INA: variants seen among roughly 807,000 people sequenced by gnomAD.
The protein encoded by INA is alpha-internexin.
In INA, 35 loss-of-function variants were observed where a neutral mutation model predicts 40.1. The ratio of observed to expected loss-of-function variants is 0.87; its 90% CI spans 0.67 to 1.16. The LOEUF is 1.16. Among genes scored for constraint, INA ranks in the 50% most tolerant of loss-of-function variants. INA has a pLI of 0.00. For synonymous variants in INA, 290 were observed against 316.9 expected (o/e 0.92, Z 0.90); for missense variants, 594 against 686.7 (o/e 0.87, Z 1.51).
intron 1 of INA, chr10:103,280,907 A>C: frequency 1.0e-6 from 1 of 985,442 alleles, no homozygotes; most frequent in Non-Finnish European, 1.2e-6. Context: ...AGATGTCCAA[A>C]GACATTCTTG....
Position 103,278,366 on chromosome 10 carries a change from A to AG in INA, c.1065+94dup, listed in dbSNP as rs1407177749. On this transcript the variant is annotated intron_variant, in intron 1 of 2. Transcript: ENST00000369849. The surrounding 1 kb of genome is among the most constrained non-coding windows in gnomAD (Gnocchi z 4.9). ...TGGTAAAACTGGGCCCCAGGACTTA[A>AG]GGGGAGGGCAAAAGAGAGGAGAGAA... 1 of 1,092,514 alleles carries AG rather than the reference A, an allele frequency of 9.2e-7. No individual in the cohort carries two copies. The allele number at this position is 1,092,514 out of a possible 1,614,324, so 67.7% of individuals were successfully genotyped here. A position where few individuals can be genotyped will look rare whatever the true frequency, so the allele number is the denominator to read the frequency against.
rs1361595671 is a variant in INA, at chr10:103,277,203, C to T, written c.-9C>T. ...TTGAAGCCGCACGTCCGGCCCCGATCCCGGCACCATGAGCTTCGGCTCGGA... is the reference window on the plus strand; with the variant it reads ...TTGAAGCCGCACGTCCGGCCCCGATTCCGGCACCATGAGCTTCGGCTCGGA... On this transcript the variant is annotated 5_prime_UTR_variant, in exon 1 of 3. Coordinates refer to ENST00000369849, the MANE Select transcript of INA (RefSeq NM_032727.4). This position sits in a 1 kb window ranked among gnomAD's most constrained non-coding sequence, Gnocchi z 5.6. 1.3e-6 allele frequency: 2 copies of T among 1,571,918 alleles called. No individual in the cohort carries two copies. Among genetic ancestry groups the T allele is most frequent in the Non-Finnish European group, 1.7e-6 (2 of 1,163,328 alleles).
intron 1 of INA, among the ~76,000 whole-genome samples, chr10:103,283,859 T>G (rs937966858): frequency 4.0e-5 from 6 of 150,996 alleles, no homozygotes; most frequent in African/African-American, 1.5e-4. Flanking sequence ...CAAGTGATTC[T>G]CCTACCTCAG....
At chr10:103,279,831 T>G in intron 1 of INA, 1 of 675,318 alleles carries the variant, frequency 1.5e-6, no homozygotes, top group South Asian at 1.6e-5. Flanking sequence ...AATAAGTACT[T>G]CCATTTCTGC....
intron 1 of INA, among the ~76,000 whole-genome samples, chr10:103,279,627 G>C (rs561406092): frequency 2.0e-5 from 3 of 152,228 alleles, no homozygotes; most frequent in African/African-American, 7.2e-5. Context: ...CATTTGGTGA[G>C]ATTAATAGGG....
Position 103,287,074 on chromosome 10 carries a change from A to G in INA, c.1105A>G (p.Lys369Glu). ...GCTGGAGAATGATCTGAGGAACACCAAGAGTGAGATGGCACGCCACCTTCG... is the reference window on the plus strand; with the variant it reads ...GCTGGAGAATGATCTGAGGAACACCGAGAGTGAGATGGCACGCCACCTTCG... ...GQLENDLRNT[K>E]SEMARHLREY... Residue 369 changes from lysine (K) to glutamate (E), a missense_variant, in exon 2 of 3, where the codon AAG becomes GAG. Coordinates refer to ENST00000369849, the MANE Select transcript of INA (RefSeq NM_032727.4). 1 of 1,614,042 alleles carries G rather than the reference A, an allele frequency of 6.2e-7. No homozygotes were observed. The highest frequency in any genetic ancestry group is 1.1e-5 in the South Asian group (1 of 91,048).
Position 103,289,825 on chromosome 10 carries a change from G to A in INA, c.*1156G>A, listed in dbSNP as rs74154318. 2.4e-4 allele frequency: 37 copies of A among 152,336 alleles called. No homozygotes were observed. Among genetic ancestry groups the A allele is most frequent in the African/African-American group, 8.4e-4 (35 of 41,556 alleles). 9.4% of individuals were successfully genotyped at this position (152,336 alleles called of 1,614,324 possible). On this transcript the variant is annotated 3_prime_UTR_variant, in exon 3 of 3. Coordinates refer to ENST00000369849, the MANE Select transcript of INA (RefSeq NM_032727.4). ...ACAATGCTACCGCCCCAAAGTAAAA[G>A]AAACCACTTCTGGTCAATCAACACT... is the stretch of plus-strand genomic sequence containing the variant.
At chr10:103,279,301 T>TGAAA (rs1253364908) in intron 1 of INA, among the ~76,000 whole-genome samples, 20 of 152,328 alleles carry the variant, frequency 1.3e-4, no homozygotes, top group Middle Eastern at 3.4e-3. Flanking sequence ...TGTAAGTGCA[T>TGAAA]GTGATAAGTC....
chr10:103,283,747 T>G (rs1489598167), intron 1 of INA, among the ~76,000 whole-genome samples: 1 of 128,888 alleles, frequency 7.8e-6, no homozygotes, highest in Non-Finnish European at 1.7e-5. Flanking sequence ...CATCACTGTT[T>G]CTTTTTTTTT....
rs746490997 is a variant in INA, at chr10:103,277,368, G to A, written c.157G>A (p.Ala53Thr). Reference sequence around the variant, plus strand: ...CCGCAGCAATGTGGCCTCCTCGGCCGCCTGCTCCTCGGCCTCGTCGCTCGG... The same window carrying A: ...CCGCAGCAATGTGGCCTCCTCGGCCACCTGCTCCTCGGCCTCGTCGCTCGG... Reference protein sequence around the residue: ...LSRSNVASSAACSSASSLGLG... With the variant: ...LSRSNVASSATCSSASSLGLG... The change falls in exon 1 of 3, where the codon GCC becomes ACC. Residue 53 changes from alanine (A) to threonine (T), a missense_variant. Coordinates refer to ENST00000369849, the MANE Select transcript of INA (RefSeq NM_032727.4). This position sits in a 1 kb window ranked among gnomAD's most constrained non-coding sequence, Gnocchi z 5.6. The A allele has an allele frequency of 1.3e-6, 2 of 1,566,542 alleles. No individual in the cohort carries two copies. The highest frequency in any genetic ancestry group is 3.6e-5 in the Admixed American group (2 of 55,330).
intron 1 of INA, chr10:103,279,793 G>A (rs2093068892): frequency 7.3e-6 from 3 of 408,950 alleles, no homozygotes; most frequent in Admixed American, 4.0e-5. Context: ...GGACTGTTTA[G>A]GTTAGTTTGG....
chr10:103,285,971 T>C (rs17115592), intron 1 of INA, among the ~76,000 whole-genome samples: 2,487 of 151,192 alleles, frequency 0.016, 46 homozygotes, highest in South Asian at 0.075. Context: ...GCATTTTAGA[T>C]AGAGGAAATA....
chr10:103,277,957 C>T lies in INA; in HGVS notation c.746C>T (p.Ala249Val), dbSNP rs2093064065. The part of the protein sequence containing the change: ...LATLQASSQA[A>V]AEVDVTVAKP... ...ACGCTGCAGGCGTCGTCGCAGGCCG[C>T]GGCCGAGGTGGACGTGACTGTGGCT... The change falls in exon 1 of 3, where the codon GCG becomes GTG. Residue 249 changes from alanine (A) to valine (V), a missense_variant. Physicochemically the swap from Ala to Val is moderately conservative, Grantham distance 64. Transcript: ENST00000369849. This position sits in a 1 kb window ranked among gnomAD's most constrained non-coding sequence, Gnocchi z 5.6. 2 of 1,563,406 alleles carry T rather than the reference C, an allele frequency of 1.3e-6. No individual in the cohort carries two copies. Among genetic ancestry groups the T allele is most frequent in the African/African-American group, 2.7e-5 (2 of 73,540 alleles).
In INA at chr10:103,278,391, A is replaced by G; in HGVS notation, c.1065+115A>G. The G allele has an allele frequency of 1.2e-6, 1 of 858,652 alleles. No individual in the cohort carries two copies. The highest frequency in any genetic ancestry group is 1.9e-5 in the South Asian group (1 of 51,568). 53.2% of individuals were successfully genotyped at this position (858,652 alleles called of 1,614,324 possible). The stretch of plus-strand genomic sequence containing the variant: ...AGGGGAGGGCAAAAGAGAGGAGAGA[A>G]GAGCCGCGGCTGGAGGCGCTGGTTA... On this transcript the variant is annotated intron_variant, in intron 1 of 2. Transcript: ENST00000369849. This position sits in a 1 kb window ranked among gnomAD's most constrained non-coding sequence, Gnocchi z 4.9.
chr10:103,278,684 G>C lies in INA; in HGVS notation c.1065+408G>C, dbSNP rs1008619066. 1.3e-4 allele frequency among the ~76,000 whole-genome samples: 20 copies of C among 152,244 alleles called. No individual in the cohort carries two copies. The highest frequency in any genetic ancestry group is 1.2e-3 in the Admixed American group (18 of 15,280). ...TTTGGTTGACTTTGAAAAGCTTTCT[G>C]TGCGCCCTAGAAGTTATTTATGGAG... On this transcript the variant is annotated intron_variant, in intron 1 of 2. Coordinates refer to ENST00000369849, the MANE Select transcript of INA (RefSeq NM_032727.4). This position sits in a 1 kb window ranked among gnomAD's most constrained non-coding sequence, Gnocchi z 4.9.
In INA at chr10:103,290,097, T is replaced by C. The variant is rs971847352; in HGVS notation, c.*1428T>C. The C allele has an allele frequency of 1.3e-5, 2 of 152,646 alleles. No individual in the cohort carries two copies. The highest frequency in any genetic ancestry group is 4.8e-5 in the African/African-American group (2 of 41,462). 9.5% of individuals were successfully genotyped at this position (152,646 alleles called of 1,614,324 possible). ...GTGCCAAGGCTGATGCAGGATTTGT[T>C]CTCTGTCCAGCAGTCACTTCGGCCA... is the stretch of plus-strand genomic sequence containing the variant. On this transcript the variant is annotated 3_prime_UTR_variant, in exon 3 of 3. Transcript: ENST00000369849.
chr10:103,289,552 CTG>C lies in INA; in HGVS notation c.*886_*887del, dbSNP rs2093095019. 6.6e-6 allele frequency: 1 copy of C among 152,614 alleles called. No individual in the cohort carries two copies. Among genetic ancestry groups the C allele is most frequent in the East Asian group, 1.9e-4 (1 of 5,198 alleles). 9.5% of individuals were successfully genotyped at this position (152,614 alleles called of 1,614,324 possible). On this transcript the variant is annotated 3_prime_UTR_variant, in exon 3 of 3. Transcript: ENST00000369849. ...TTAGAAGCACAGTAAATATCCCAAACTGTGATGAAGCCGACCTTAGATTTAGT... is the reference window on the plus strand; with the variant it reads ...TTAGAAGCACAGTAAATATCCCAAACTGATGAAGCCGACCTTAGATTTAGT...
intron 1 of INA, among the ~76,000 whole-genome samples, chr10:103,279,590 A>C (rs919720027): frequency 6.6e-6 from 1 of 152,244 alleles, no homozygotes; most frequent in African/African-American, 2.4e-5. Flanking sequence ...AGAAACTTGC[A>C]ATAATTCTAG....
chr10:103,279,963 G>T (rs1309636491), intron 1 of INA: 1 of 1,289,344 alleles, frequency 7.8e-7, no homozygotes, highest in African/African-American at 1.5e-5. Flanking sequence ...TACGAGCTAG[G>T]TGGTCTTCTG....
Sources: gnomAD v4.1 joint callset for allele counts (sites outside exome capture counted in the v4.1 genomes callset) on GRCh38, gnomAD v4.1.1 for gene constraint, Gnocchi (gnomAD v3.1) non-coding constraint, MANE v1.5 for transcripts, NCBI Gene and HGNC (gene_info 2026-07-23, HGNC 2026-07-21) for gene names.